PFDN4: variants seen among roughly 807,000 people sequenced by gnomAD.
PFDN4 encodes the protein prefoldin 4.
Under a neutral mutation model 17.6 loss-of-function variants are expected in PFDN4, and 6 were observed. The ratio of observed to expected loss-of-function variants is 0.34; its 90% confidence interval spans 0.19 to 0.67. The LOEUF (loss-of-function observed/expected upper bound fraction) is 0.67, where lower values mean the gene tolerates loss of function less well. Among genes scored for constraint, PFDN4 ranks in the 30% least tolerant of loss-of-function variants. The pLI is 0.68. For missense variants in PFDN4, 119 were observed against 158.4 expected (o/e 0.75, Z 1.33); for synonymous variants, 48 against 51.1 (o/e 0.94, Z 0.26).
chr20:54,216,481 T>C (rs2092762603), intron 3 of PFDN4, among the ~76,000 whole-genome samples: 1 of 152,208 alleles, frequency 6.6e-6, no homozygotes. Flanking sequence ...CCCTTATGTT[T>C]AAATCTTTTC....
At position 54,209,915 on chromosome 20, in the gene PFDN4, G is replaced by C. The variant is rs115449935; in HGVS notation, c.24+1791G>C. 5.1e-3 allele frequency among the ~76,000 whole-genome samples: 779 copies of C among 152,308 alleles called. 6 individuals carry two copies. Among genetic ancestry groups the C allele is most frequent in the African/African-American group, 0.018 (750 of 41,550 alleles). ...CAAAGAACGTATGTTCCAGGGCAGA[G>C]CAGGCATTACTCAGATAGTCAGACA... On this transcript the variant is annotated intron_variant, in intron 1 of 3. Transcript: ENST00000371419.
chr20:54,213,804 C>T (rs982404552), intron 1 of PFDN4, among the ~76,000 whole-genome samples: 1 of 152,014 alleles, frequency 6.6e-6, no homozygotes, highest in African/African-American at 2.4e-5. Context: ...CAATTTTCAT[C>T]ATTTTTTAGT....
At chr20:54,212,389 A>G (rs2092757124) in intron 1 of PFDN4, among the ~76,000 whole-genome samples, 2 of 152,072 alleles carry the variant, frequency 1.3e-5, no homozygotes, top group Admixed American at 1.3e-4. Flanking sequence ...TTAGCCCTTA[A>G]CCCCAGTGGG....
At chr20:54,211,334 AT>A (rs2092755570) in intron 1 of PFDN4, among the ~76,000 whole-genome samples, 1 of 152,178 alleles carries the variant, frequency 6.6e-6, no homozygotes, top group African/African-American at 2.4e-5. Context: ...AGCCCAGGGA[AT>A]TTTAATTTTT....
intron 3 of PFDN4, among the ~76,000 whole-genome samples, chr20:54,216,981 A>C (rs1387660304): frequency 1.3e-5 from 2 of 152,100 alleles, no homozygotes. Context: ...TTTTTTACTC[A>C]TTCTAGAATT....
intron 1 of PFDN4, among the ~76,000 whole-genome samples, chr20:54,212,780 T>G (rs1054791945): frequency 2.0e-5 from 3 of 152,252 alleles, no homozygotes; most frequent in African/African-American, 7.2e-5. Flanking sequence ...GCGTAGGGAA[T>G]TGACAGTTCT....
Position 54,219,213 on chromosome 20 carries a change from T to TAAA in PFDN4, c.*63_*64insAAA. ...TGAATATTGTTTAAAATGATAATTT[T>TAAA]CCTTCTTCAAATGACATGGAAAGCA... On this transcript the variant is annotated 3_prime_UTR_variant, in exon 4 of 4. Transcript: ENST00000371419. 1 of 1,065,004 alleles carries TAAA rather than the reference T, an allele frequency of 9.4e-7. No homozygotes were observed. The highest frequency in any genetic ancestry group is 1.3e-6 in the Non-Finnish European group (1 of 771,392). The allele number at this position is 1,065,004 out of a possible 1,614,324, so 66.0% of individuals were successfully genotyped here. A position where few individuals can be genotyped will look rare whatever the true frequency, so the allele number is the denominator to read the frequency against.
intron 3 of PFDN4, among the ~76,000 whole-genome samples, chr20:54,217,047 T>C (rs536646936): frequency 9.2e-5 from 14 of 152,236 alleles, no homozygotes; most frequent in Middle Eastern, 3.4e-3. Flanking sequence ...CTAGGGATAA[T>C]TGGGGACAAC....
chr20:54,218,211 T>G (rs1428406359), intron 3 of PFDN4, among the ~76,000 whole-genome samples: 1 of 151,398 alleles, frequency 6.6e-6, no homozygotes, highest in Non-Finnish European at 1.5e-5. Flanking sequence ...GAGTATATGT[T>G]AAAATTTATT....
At position 54,215,294 on chromosome 20, in the gene PFDN4, T is replaced by G; in HGVS notation, c.133-6T>G. The stretch of plus-strand genomic sequence containing the variant: ...GTACATTTTCTTTGCCATTTTGCAT[T>G]TATAGAAACAACTCCAAAACCTAGA... On this transcript the variant is annotated splice_polypyrimidine_tract_variant and splice_region_variant and intron_variant, in intron 2 of 3. Coordinates refer to ENST00000371419, the MANE Select transcript of PFDN4 (RefSeq NM_002623.4). 6.4e-7 allele frequency: 1 copy of G among 1,558,150 alleles called. No individual in the cohort carries two copies.
chr20:54,219,215 C>G lies in PFDN4; in HGVS notation c.*65C>G. 1 of 1,033,818 alleles carries G rather than the reference C, an allele frequency of 9.7e-7. No individual in the cohort carries two copies. 64.0% of individuals were successfully genotyped at this position (1,033,818 alleles called of 1,614,324 possible). On this transcript the variant is annotated 3_prime_UTR_variant, in exon 4 of 4. Transcript: ENST00000371419. ...AATATTGTTTAAAATGATAATTTTC[C>G]TTCTTCAAATGACATGGAAAGCAAA...
At chr20:54,213,550 A>G (rs1310189545) in intron 1 of PFDN4, among the ~76,000 whole-genome samples, 1 of 152,178 alleles carries the variant, frequency 6.6e-6, no homozygotes. Context: ...CTTTGGCCAT[A>G]TTATATAAAG....
chr20:54,208,178 C>A, intron 1 of PFDN4, 54 bp downstream of exon 1: 1 of 1,481,012 alleles, frequency 6.8e-7, no homozygotes, highest in Non-Finnish European at 9.0e-7. Context: ...ATCTCGGCCG[C>A]TGGGGCCCGG....
At chr20:54,218,175 G>C (rs550670463) in intron 3 of PFDN4, among the ~76,000 whole-genome samples, 31 of 117,586 alleles carry the variant, frequency 2.6e-4, no homozygotes, top group Admixed American at 2.3e-3. Flanking sequence ...GAACTTAATG[G>C]CTTTTTTTTT....
chr20:54,212,025 T>C (rs2092756535), intron 1 of PFDN4, among the ~76,000 whole-genome samples: 1 of 151,998 alleles, frequency 6.6e-6, no homozygotes, highest in African/African-American at 2.4e-5. Flanking sequence ...AAACCCCTTC[T>C]CTACTAAAAA....
Position 54,219,017 on chromosome 20 carries a change from A to G in PFDN4, c.274-2A>G. 6.7e-7 allele frequency: 1 copy of G among 1,492,854 alleles called. No individual in the cohort carries two copies. The allele number at this position is 1,492,854 out of a possible 1,614,324, so 92.5% of individuals were successfully genotyped here. On this transcript the variant is annotated splice_acceptor_variant, in intron 3 of 3. Coordinates refer to ENST00000371419, the MANE Select transcript of PFDN4 (RefSeq NM_002623.4). LOFTEE classifies it high-confidence loss of function. The stretch of plus-strand genomic sequence containing the variant: ...AATTAATTTAAAATATTTTTTTTCC[A>G]GAAAAATTTGCAAGAAGAAATTGAC...
intron 1 of PFDN4, 89 bp from the exon 2 acceptor site, chr20:54,214,262 T>A: frequency 1.4e-6 from 1 of 696,716 alleles, no homozygotes; most frequent in East Asian, 2.8e-5. Flanking sequence ...TGAGTGCAAA[T>A]GGCTTATTGA....
Position 54,219,409 on chromosome 20 carries a change from A to C in PFDN4, c.*259A>C. 1 of 368,612 alleles carries C rather than the reference A, an allele frequency of 2.7e-6. No individual in the cohort carries two copies. Among genetic ancestry groups the C allele is most frequent in the Non-Finnish European group, 4.7e-6 (1 of 211,542 alleles). 22.8% of individuals were successfully genotyped at this position (368,612 alleles called of 1,614,324 possible). A position where few individuals can be genotyped will look rare whatever the true frequency, so the allele number is the denominator to read the frequency against. ...GTCATGTTATTAAAATCAGTTAAGCAATCTTTTATGTTTCTATATTATTTA... is the reference window on the plus strand; with the variant it reads ...GTCATGTTATTAAAATCAGTTAAGCCATCTTTTATGTTTCTATATTATTTA... On this transcript the variant is annotated 3_prime_UTR_variant, in exon 4 of 4. Coordinates refer to ENST00000371419, the MANE Select transcript of PFDN4 (RefSeq NM_002623.4).
chr20:54,219,798 G>C lies in PFDN4; in HGVS notation c.*648G>C. 1 of 398,282 alleles carries C rather than the reference G, an allele frequency of 2.5e-6. No homozygotes were observed. The highest frequency in any genetic ancestry group is 4.4e-6 in the Non-Finnish European group (1 of 225,940). The allele number at this position is 398,282 out of a possible 1,614,324, so 24.7% of individuals were successfully genotyped here. On this transcript the variant is annotated 3_prime_UTR_variant, in exon 4 of 4. Coordinates refer to ENST00000371419, the MANE Select transcript of PFDN4 (RefSeq NM_002623.4). ...CGTTTTAGAAACCAAGAGATGTGCA[G>C]AAAGAAATGTTTAGTGTTTTTTCGT...
Sources: allele counts gnomAD v4.1 joint callset (sites outside exome capture counted in the v4.1 genomes callset), GRCh38; gene constraint gnomAD v4.1.1; transcripts MANE v1.5; gene names NCBI Gene and HGNC (gene_info 2026-07-23, HGNC 2026-07-21).